The following LMO7 variants were observed in gnomAD, a reference collection of about 807,000 sequenced individuals.
The protein encoded by LMO7 is LIM domain only protein 7.
In LMO7, 120 loss-of-function variants were observed where a neutral mutation model predicts 206.5. The ratio of observed to expected loss-of-function variants is 0.58; its 90% CI spans 0.50 to 0.68. The LOEUF (loss-of-function observed/expected upper bound fraction) is 0.68, where lower values mean the gene tolerates loss of function less well. Ranked by LOEUF, LMO7 falls within the 30% of genes least tolerant of loss-of-function variation. The probability of loss-of-function intolerance (pLI) is 0.00; values close to 1 mark genes in which losing one functional copy is unlikely to be tolerated. For synonymous variants in LMO7, 706 were observed against 681.5 expected (o/e 1.04, Z -0.56); for missense variants, 1,959 against 1,957.9 (o/e 1.00, Z -0.01).
At chr13:75,774,745 T>C (rs2050161180) in intron 4 of LMO7, among the ~76,000 whole-genome samples, 1 of 152,164 alleles carries the variant, frequency 6.6e-6, no homozygotes, top group Non-Finnish European at 1.5e-5. Flanking sequence ...CTTCCTTATA[T>C]ATTGTGGTTA....
intron 4 of LMO7, among the ~76,000 whole-genome samples, chr13:75,762,989 A>G (rs2048387077): frequency 6.6e-6 from 1 of 152,218 alleles, no homozygotes; most frequent in Non-Finnish European, 1.5e-5. Context: ...GCAGATTTAA[A>G]GAAAAGCAAA....
intron 27 of LMO7, among the ~76,000 whole-genome samples, chr13:75,850,110 ACT>A (rs1372129117): frequency 6.6e-6 from 1 of 152,076 alleles, no homozygotes; most frequent in African/African-American, 2.4e-5. Context: ...GGAGCAAGAG[ACT>A]CTGTATAAAA....
intron 4 of LMO7, among the ~76,000 whole-genome samples, chr13:75,767,703 T>A (rs2049080680): frequency 1.3e-5 from 2 of 152,080 alleles, no homozygotes; most frequent in African/African-American, 4.8e-5. Context: ...CAGGCTGAGT[T>A]TGTCACTTTC....
At chr13:75,758,775 T>A (rs1457246421) in intron 3 of LMO7, among the ~76,000 whole-genome samples, 3 of 152,200 alleles carry the variant, frequency 2.0e-5, no homozygotes, top group Non-Finnish European at 4.4e-5. Context: ...TTGGCTCTCA[T>A]TTGAGTAAGT....
chr13:75,693,381 G>A (rs550479008), intron 1 of LMO7, among the ~76,000 whole-genome samples: 11 of 152,284 alleles, frequency 7.2e-5, no homozygotes, highest in African/African-American at 2.6e-4. Context: ...GCTTCATTGT[G>A]CAGCCATTAA....
At chr13:75,667,241 T>C (rs529114804) in intron 1 of LMO7, among the ~76,000 whole-genome samples, 1 of 152,288 alleles carries the variant, frequency 6.6e-6, no homozygotes, top group South Asian at 2.1e-4. Flanking sequence ...ATTTCCAACA[T>C]ACCATTTTCT....
intron 4 of LMO7, among the ~76,000 whole-genome samples, chr13:75,767,979 T>C (rs904262739): frequency 6.6e-6 from 1 of 152,104 alleles, no homozygotes; most frequent in Non-Finnish European, 1.5e-5. Flanking sequence ...TAGACAGTTG[T>C]AATTGCTCTT....
intron 20 of LMO7, chr13:75,839,596 T>G (rs2059409546): frequency 6.5e-6 from 1 of 153,800 alleles, no homozygotes; most frequent in African/African-American, 2.4e-5. Context: ...TGAACATGTT[T>G]GTTGTGGTGA....
intron 7 of LMO7, 128 bp downstream of exon 7, chr13:75,801,010 T>C (rs747682812): frequency 7.7e-6 from 6 of 778,406 alleles, no homozygotes; most frequent in Non-Finnish European, 1.3e-5. Context: ...TCATAGAGAC[T>C]GGAGTATAAT....
chr13:75,689,350 C>G (rs1007022354), intron 1 of LMO7, among the ~76,000 whole-genome samples: 7 of 152,220 alleles, frequency 4.6e-5, no homozygotes, highest in South Asian at 2.1e-4. Context: ...ATTAAATGCT[C>G]ATGTCCTGGG....
chr13:75,765,963 G>C (rs377689802), intron 4 of LMO7, among the ~76,000 whole-genome samples: 17 of 152,040 alleles, frequency 1.1e-4, no homozygotes, highest in African/African-American at 4.1e-4. Flanking sequence ...TCTTTAAAAC[G>C]ATCCTATCTT....
At chr13:75,646,171 G>A (rs959233797) in intron 1 of LMO7, among the ~76,000 whole-genome samples, 1 of 152,096 alleles carries the variant, frequency 6.6e-6, no homozygotes, top group Non-Finnish European at 1.5e-5. Context: ...CAAATTTGAA[G>A]TCATTATTGA....
chr13:75,788,377 C>G (rs533293359), intron 4 of LMO7, among the ~76,000 whole-genome samples: 2 of 147,166 alleles, frequency 1.4e-5, no homozygotes, highest in East Asian at 2.1e-4. Flanking sequence ...TCACTTGAAC[C>G]TGGGAGGTGG....
intron 1 of LMO7, among the ~76,000 whole-genome samples, chr13:75,645,432 T>A (rs2036922633): frequency 6.6e-6 from 1 of 152,180 alleles, no homozygotes; most frequent in Non-Finnish European, 1.5e-5. Context: ...CATTCTGGCT[T>A]GACCCAGAAG....
At chr13:75,645,148 T>C (rs1421518474) in intron 1 of LMO7, among the ~76,000 whole-genome samples, 5 of 152,268 alleles carry the variant, frequency 3.3e-5, no homozygotes, top group Admixed American at 2.6e-4. Context: ...CCTACATTTC[T>C]GTAGTTCGTG....
Position 75,806,253 on chromosome 13 carries a change from T to C in LMO7, c.1196+493T>C, listed in dbSNP as rs1403503160. Reference sequence around the variant, plus strand: ...CCAGGAGAAGCAGTAGTGCTTCGGATGAGCCCAGGTGCCCCTGTCTGCATG... The same window carrying C: ...CCAGGAGAAGCAGTAGTGCTTCGGACGAGCCCAGGTGCCCCTGTCTGCATG... On this transcript the variant is annotated intron_variant, in intron 9 of 30. Coordinates refer to ENST00000377534, the MANE Select transcript of LMO7 (RefSeq NM_001306080.2). The C allele has an allele frequency of 3.0e-6, 3 of 989,564 alleles. No individual in the cohort carries two copies. In the African/African-American group the frequency reaches 5.2e-5, roughly 17 times the overall value. The allele number at this position is 989,564 out of a possible 1,614,324, so 61.3% of individuals were successfully genotyped here. A position where few individuals can be genotyped will look rare whatever the true frequency, so the allele number is the denominator to read the frequency against.
chr13:75,824,882 A>G (rs1052962235), intron 15 of LMO7, among the ~76,000 whole-genome samples: 1 of 152,102 alleles, frequency 6.6e-6, no homozygotes, highest in Non-Finnish European at 1.5e-5. Flanking sequence ...AAAATATGTG[A>G]AATAATTTGG....
Position 75,835,703 on chromosome 13 carries a change from C to T in LMO7, c.3333+364C>T, listed in dbSNP as rs556002319. Among the ~76,000 whole-genome samples the T allele has an allele frequency of 3.3e-5, 5 of 152,202 alleles. No homozygotes were observed. In the East Asian group the frequency reaches 9.7e-4, roughly 29 times the overall value. On this transcript the variant is annotated intron_variant, in intron 18 of 30. Transcript: ENST00000377534. The stretch of plus-strand genomic sequence containing the variant: ...TTCTTTATGCGTTCCTTAGTCTTTA[C>T]TGGCAAATAAAGTTAATAGTTGGGT...
chr13:75,837,186 G>T (rs1009754814), intron 19 of LMO7, among the ~76,000 whole-genome samples: 14 of 152,158 alleles, frequency 9.2e-5, no homozygotes, highest in African/African-American at 3.4e-4. Context: ...TTTTCTTAAA[G>T]CCAACCTAAA....
Sources: gnomAD v4.1 joint callset for allele counts (sites outside exome capture counted in the v4.1 genomes callset) on GRCh38, gnomAD v4.1.1 for gene constraint, MANE v1.5 for transcripts, NCBI Gene and HGNC (gene_info 2026-07-23, HGNC 2026-07-21) for gene names.